The following TTLL9 variants were observed in gnomAD, a reference collection of about 807,000 sequenced individuals.
The protein encoded by TTLL9 is probable tubulin polyglutamylase TTLL9.
TTLL9 carries 47 observed loss-of-function variants against 65.6 expected under a neutral mutation model. The ratio of observed to expected loss-of-function variants is 0.72; its 90% CI spans 0.57 to 0.91. TTLL9 has a LOEUF of 0.91. TTLL9 is among the 40% of genes least tolerant of loss of function. TTLL9 has a pLI of 0.00. For synonymous variants in TTLL9, 179 were observed against 204.8 expected (o/e 0.87, Z 1.07); for missense variants, 537 against 568.8 (o/e 0.94, Z 0.57).
chr20:31,899,918 G>A (rs1352791827), intron 4 of TTLL9, among the ~76,000 whole-genome samples: 5 of 152,006 alleles, frequency 3.3e-5, no homozygotes, highest in Non-Finnish European at 5.9e-5. Context: ...CCGCCACCAC[G>A]ACCAGCTAAT....
intron 6 of TTLL9, among the ~76,000 whole-genome samples, chr20:31,916,501 G>C (rs1430523794): frequency 6.6e-6 from 1 of 152,172 alleles, no homozygotes; most frequent in African/African-American, 2.4e-5. Context: ...GCACCTCCTG[G>C]AACAGTCATG....
At chr20:31,932,949 T>C (rs931256328) in intron 10 of TTLL9, among the ~76,000 whole-genome samples, 2 of 152,094 alleles carry the variant, frequency 1.3e-5, no homozygotes, top group African/African-American at 4.8e-5. Flanking sequence ...TGAGCTAAGA[T>C]TGCGCCACTG....
rs374192718 is a variant in TTLL9 at position 31,898,298 on chromosome 20, G to A, written c.114-175G>A. 3.3e-5 allele frequency among the ~76,000 whole-genome samples: 5 copies of A among 152,214 alleles called. No individual in the cohort carries two copies. In the East Asian group the frequency reaches 9.6e-4, roughly 29 times the overall value. On this transcript the variant is annotated intron_variant, in intron 3 of 14. Transcript: ENST00000535842. ...TATTTTTCAATGATTTGAAGATTCT[G>A]TAATTCTCAATCTGATTATGTTAAG... is the stretch of plus-strand genomic sequence containing the variant.
intron 2 of TTLL9, among the ~76,000 whole-genome samples, chr20:31,875,425 A>G (rs749542803): frequency 2.7e-5 from 4 of 150,304 alleles, no homozygotes; most frequent in Non-Finnish European, 4.4e-5. Context: ...ATCTGTGAAA[A>G]AGGAAACAAG....
intron 12 of TTLL9, among the ~76,000 whole-genome samples, chr20:31,936,634 C>T (rs1300461899): frequency 6.6e-6 from 1 of 152,212 alleles, no homozygotes; most frequent in African/African-American, 2.4e-5. Flanking sequence ...CACCCCTCCC[C>T]ACCGCTTCCC....
intron 2 of TTLL9, among the ~76,000 whole-genome samples, chr20:31,881,266 G>A (rs906359077): frequency 2.0e-5 from 3 of 152,156 alleles, no homozygotes; most frequent in African/African-American, 7.2e-5. Context: ...TTATTCATGT[G>A]ACTATTTGTT....
intron 2 of TTLL9, among the ~76,000 whole-genome samples, chr20:31,886,707 T>C (rs1436381041): frequency 2.6e-5 from 4 of 152,012 alleles, no homozygotes; most frequent in Non-Finnish European, 4.4e-5. Flanking sequence ...TAATTCCAGC[T>C]ACTAGGGAGG....
rs2063035641 is a variant in TTLL9 at position 31,876,231 on chromosome 20, G to A, written c.69+5036G>A. On this transcript the variant is annotated intron_variant, in intron 2 of 14. Transcript: ENST00000535842. ...GGAGGCTGAGGCCAGTGGATTGCCTGAGGTCAGGAGTTCGAGACCAGCCTG... is the reference window on the plus strand; with the variant it reads ...GGAGGCTGAGGCCAGTGGATTGCCTAAGGTCAGGAGTTCGAGACCAGCCTG... Among the ~76,000 whole-genome samples the A allele has an allele frequency of 3.3e-5, 5 of 152,320 alleles. 1 individual carries two copies. Among genetic ancestry groups the A allele is most frequent in the African/African-American group, 1.2e-4 (5 of 41,572 alleles).
In TTLL9 at chr20:31,892,047, C is replaced by T. The variant is rs1040248982; in HGVS notation, c.113+4808C>T. On this transcript the variant is annotated intron_variant, in intron 3 of 14. Coordinates refer to ENST00000535842, the MANE Select transcript of TTLL9 (RefSeq NM_001008409.5). ...TGAACTCCTGACCTCAGGTGATCCA[C>T]GCGCCTTGGCCTCCCAAAGTGCTGG... Among the ~76,000 whole-genome samples the T allele has an allele frequency of 7.2e-5, 11 of 152,116 alleles. No individual in the cohort carries two copies. The East Asian group carries it at 9.6e-4, about 13-fold the overall frequency.
At chr20:31,911,866 G>A (rs1279482878) in intron 6 of TTLL9, among the ~76,000 whole-genome samples, 1 of 103,056 alleles carries the variant, frequency 9.7e-6, no homozygotes, top group East Asian at 2.4e-4. Flanking sequence ...GTGTGTGTGT[G>A]TGTGTGTGTC....
chr20:31,936,572 C>T (rs1010238047), intron 12 of TTLL9, among the ~76,000 whole-genome samples: 2 of 152,126 alleles, frequency 1.3e-5, no homozygotes, highest in Admixed American at 1.3e-4. Context: ...CTGGGGCTGG[C>T]CACAGCCACC....
chr20:31,897,536 T>C (rs1240482589), intron 3 of TTLL9, among the ~76,000 whole-genome samples: 1 of 152,200 alleles, frequency 6.6e-6, no homozygotes, highest in East Asian at 1.9e-4. Context: ...CCAGCTCTCC[T>C]CTAGGCCCCC....
chr20:31,943,574 C>A lies in TTLL9; in HGVS notation c.*553C>A, dbSNP rs2064259591. On this transcript the variant is annotated 3_prime_UTR_variant, in exon 15 of 15. Coordinates refer to ENST00000535842, the MANE Select transcript of TTLL9 (RefSeq NM_001008409.5). ...TTGGGGGCCTGGGGAAGTACTGAGC[C>A]CTAAACACATCCTCTTCTCCTTGCA... 2 of 364,402 alleles carry A rather than the reference C, an allele frequency of 5.5e-6. No homozygotes were observed. The highest frequency in any genetic ancestry group is 5.4e-6 in the Non-Finnish European group (1 of 185,306). The allele number at this position is 364,402 out of a possible 1,614,324, so 22.6% of individuals were successfully genotyped here. A position where few individuals can be genotyped will look rare whatever the true frequency, so the allele number is the denominator to read the frequency against.
intron 6 of TTLL9, among the ~76,000 whole-genome samples, chr20:31,910,237 G>T (rs1037767898): frequency 2.0e-5 from 3 of 152,222 alleles, no homozygotes; most frequent in African/African-American, 7.2e-5. Context: ...ACCCTCGGGG[G>T]AGGGATCAAC....
rs775127551 is a variant in TTLL9 at position 31,934,858 on chromosome 20, A to C, written c.974A>C (p.Tyr325Ser). 1 of 1,613,608 alleles carries C rather than the reference A, an allele frequency of 6.2e-7. No individual in the cohort carries two copies. Among genetic ancestry groups the C allele is most frequent in the East Asian group, 2.2e-5 (1 of 44,862 alleles). Residue 325 changes from tyrosine (Y) to serine (S), a missense_variant, in exon 12 of 15, where the codon TAT (tyrosine) becomes TCT (serine). Around this residue, in one of 3 missense-constraint regions of TTLL9, gnomAD observed 205 missense variants for 225.9 expected, o/e 0.91. Transcript: ENST00000535842. Reference protein sequence around the residue: ...SDKHCFELYGYDILIDQDLKP... With the variant: ...SDKHCFELYGSDILIDQDLKP... ...AAGCACTGCTTCGAGCTGTACGGCT[A>C]TGACATCCTCATCGACCAGGACCTC...
intron 4 of TTLL9, among the ~76,000 whole-genome samples, chr20:31,905,043 A>G (rs899726060): frequency 1.3e-5 from 2 of 152,018 alleles, no homozygotes; most frequent in Non-Finnish European, 1.5e-5. Context: ...CTGTGGCACT[A>G]TGGTATCTGA....
At chr20:31,896,092 A>G (rs952597961) in intron 3 of TTLL9, among the ~76,000 whole-genome samples, 14 of 152,148 alleles carry the variant, frequency 9.2e-5, no homozygotes, top group Non-Finnish European at 2.1e-4. Context: ...TGCCTGCCTC[A>G]GCCTCCCAGA....
At chr20:31,882,303 G>T (rs1420016175) in intron 2 of TTLL9, among the ~76,000 whole-genome samples, 1 of 152,170 alleles carries the variant, frequency 6.6e-6, no homozygotes, top group Non-Finnish European at 1.5e-5. Context: ...GGGATTAGTG[G>T]AACCAGCTAA....
In TTLL9 at chr20:31,924,025, G is replaced by A. The variant is rs892690352; in HGVS notation, c.664+972G>A. On this transcript the variant is annotated intron_variant, in intron 8 of 14. Coordinates refer to ENST00000535842, the MANE Select transcript of TTLL9 (RefSeq NM_001008409.5). ...TTCTGCCCTCCCATCCCCCCACCAT[G>A]CCTCAGCTTCTCTAGGGGACACAGC... 4.5e-4 allele frequency among the ~76,000 whole-genome samples: 69 copies of A among 152,060 alleles called. 1 individual carries two copies. Among genetic ancestry groups the A allele is most frequent in the African/African-American group, 1.7e-3 (69 of 41,476 alleles).
Sources: gnomAD v4.1 joint callset for allele counts (sites outside exome capture counted in the v4.1 genomes callset) on GRCh38, gnomAD v4.1.1 for gene constraint, gnomAD v4.1.1 regional missense constraint, MANE v1.5 for transcripts, NCBI Gene and HGNC (gene_info 2026-07-23, HGNC 2026-07-21) for gene names.